The following GMDS variants were observed in gnomAD, a reference collection of about 807,000 sequenced individuals.
GMDS encodes GDP-mannose 4,6 dehydratase.
In GMDS, 20 loss-of-function variants were observed where a neutral mutation model predicts 49.9. The ratio of observed to expected loss-of-function variants is 0.40; its 90% confidence interval spans 0.28 to 0.58. GMDS has a LOEUF of 0.58. GMDS is among the 20% of genes least tolerant of loss of function. GMDS has a pLI of 0.42. For synonymous variants in GMDS, 177 were observed against 178.6 expected (o/e 0.99, Z 0.07); for missense variants, 362 against 481.4 (o/e 0.75, Z 2.32).
At chr6:1,673,159 C>T (rs1764481459) in intron 9 of GMDS, among the ~76,000 whole-genome samples, 2 of 152,168 alleles carry the variant, frequency 1.3e-5, no homozygotes, top group South Asian at 4.1e-4. Flanking sequence ...CCAATGCCAG[C>T]TCTGTTTTCT....
intron 9 of GMDS, among the ~76,000 whole-genome samples, chr6:1,650,198 C>T (rs1763609164): frequency 2.0e-5 from 3 of 152,046 alleles, no homozygotes; most frequent in South Asian, 4.2e-4. Flanking sequence ...CTGCATTTAT[C>T]GTACCAAGAG....
intron 1 of GMDS, among the ~76,000 whole-genome samples, chr6:2,240,797 A>G (rs1049563921): frequency 7.2e-5 from 11 of 152,176 alleles, no homozygotes; most frequent in Admixed American, 3.9e-4. Context: ...TAGACTATCA[A>G]TGTCATAAGG....
chr6:1,833,752 T>A lies in GMDS; in HGVS notation c.772-91166A>T, dbSNP rs919890640. Among the ~76,000 whole-genome samples the A allele has an allele frequency of 2.6e-5, 4 of 152,188 alleles. No homozygotes were observed. The highest frequency in any genetic ancestry group is 9.7e-5 in the African/African-American group (4 of 41,444). ...CATGGAAGGGCAGTGGGTTGAAAGA[T>A]CCTCATTATTCAAGAGAAGGGAAAT... On this transcript the variant is annotated intron_variant, in intron 7 of 10. Transcript: ENST00000380815. This position sits in a 1 kb window ranked among gnomAD's most constrained non-coding sequence, Gnocchi z 4.4.
intron 9 of GMDS, among the ~76,000 whole-genome samples, chr6:1,637,403 G>T (rs1581395581): frequency 6.6e-6 from 1 of 152,210 alleles, no homozygotes; most frequent in Non-Finnish European, 1.5e-5. Context: ...GCTGAACAAG[G>T]CCCCGAGGAA....
intron 4 of GMDS, among the ~76,000 whole-genome samples, chr6:1,965,194 T>G (rs1764197545): frequency 6.6e-6 from 1 of 152,150 alleles, no homozygotes; most frequent in Non-Finnish European, 1.5e-5. Context: ...TACCCAGTAA[T>G]GGGATGGCTG....
chr6:1,774,713 C>T (rs970024126), intron 7 of GMDS, among the ~76,000 whole-genome samples: 3 of 135,910 alleles, frequency 2.2e-5, no homozygotes, highest in South Asian at 2.7e-4. Context: ...GGGGTGGAAA[C>T]GACTTCACCT....
chr6:1,663,002 T>C (rs946585059), intron 9 of GMDS, among the ~76,000 whole-genome samples: 2 of 152,234 alleles, frequency 1.3e-5, no homozygotes, highest in African/African-American at 4.8e-5. Flanking sequence ...CCTACTTCCC[T>C]CCTTTCTGGA....
chr6:2,237,769 AC>A (rs1781431988), intron 1 of GMDS, among the ~76,000 whole-genome samples: 1 of 151,956 alleles, frequency 6.6e-6, no homozygotes, highest in African/African-American at 2.4e-5. Context: ...TGATCTACCC[AC>A]CTTGGCCTCC....
At chr6:1,769,695 GTTTTTTA>G (rs1239109401) in intron 7 of GMDS, among the ~76,000 whole-genome samples, 5 of 146,618 alleles carry the variant, frequency 3.4e-5, no homozygotes, top group Non-Finnish European at 6.0e-5. Context: ...GAGTTTAAAT[GTTTTTTA>G]TTTTTTATTT....
chr6:2,028,081 A>T (rs1768714097), intron 4 of GMDS, among the ~76,000 whole-genome samples: 1 of 152,224 alleles, frequency 6.6e-6, no homozygotes. Context: ...CTTGTAAAAC[A>T]ATATCTTACA....
At chr6:2,144,235 T>C (rs1776443119) in intron 1 of GMDS, among the ~76,000 whole-genome samples, 2 of 152,276 alleles carry the variant, frequency 1.3e-5, no homozygotes, top group Admixed American at 6.5e-5. Context: ...ATACGTTCTA[T>C]GCTATTTTAG....
chr6:1,649,199 T>G (rs1763578016), intron 9 of GMDS, among the ~76,000 whole-genome samples: 1 of 152,176 alleles, frequency 6.6e-6, no homozygotes. Context: ...AATACTGTGA[T>G]GTACTGTCAG....
chr6:1,872,698 G>C (rs1182682379), intron 7 of GMDS, among the ~76,000 whole-genome samples: 1 of 152,266 alleles, frequency 6.6e-6, no homozygotes, highest in Non-Finnish European at 1.5e-5. Flanking sequence ...AACTCGGTCA[G>C]AGGGCTGTTT....
intron 1 of GMDS, among the ~76,000 whole-genome samples, chr6:2,190,499 G>C (rs1206788092): frequency 1.3e-5 from 2 of 152,170 alleles, no homozygotes; most frequent in African/African-American, 4.8e-5. Flanking sequence ...ACTTCTCATG[G>C]GGGAAGAACT....
intron 1 of GMDS, among the ~76,000 whole-genome samples, chr6:2,143,125 T>C (rs1776387102): frequency 6.6e-6 from 1 of 152,216 alleles, no homozygotes; most frequent in Non-Finnish European, 1.5e-5. Context: ...CTGGAATACA[T>C]ATTTGCTCCA....
In GMDS at chr6:1,742,247, A is replaced by C. The variant is rs116726498; in HGVS notation, c.890+221T>G. 1.5e-3 allele frequency among the ~76,000 whole-genome samples: 222 copies of C among 152,242 alleles called. 1 individual carries two copies. Among genetic ancestry groups the C allele is most frequent in the African/African-American group, 4.8e-3 (201 of 41,542 alleles). ...AAACATCTTAAAAGAAAGATGAAAG[A>C]AATGTGGAAAAACTTGGTTTAGATG... On this transcript the variant is annotated intron_variant, in intron 8 of 10. Coordinates refer to ENST00000380815, the MANE Select transcript of GMDS (RefSeq NM_001500.4).
chr6:1,992,009 C>T (rs1039749823), intron 4 of GMDS, among the ~76,000 whole-genome samples: 5 of 152,200 alleles, frequency 3.3e-5, no homozygotes, highest in Admixed American at 6.5e-5. Flanking sequence ...TGGAAGGAGT[C>T]CCCCACCTGC....
chr6:2,080,444 C>T (rs548990571), intron 4 of GMDS, among the ~76,000 whole-genome samples: 4 of 152,248 alleles, frequency 2.6e-5, no homozygotes, highest in African/African-American at 9.6e-5. Context: ...TCACTGCCTT[C>T]AATTTTTTGA....
At chr6:1,982,493 C>T (rs559789403) in intron 4 of GMDS, among the ~76,000 whole-genome samples, 1 of 152,268 alleles carries the variant, frequency 6.6e-6, no homozygotes, top group East Asian at 1.9e-4. Flanking sequence ...CCCATTGTCT[C>T]AGCCCAAAAA....
Sources: allele counts gnomAD v4.1 joint callset (sites outside exome capture counted in the v4.1 genomes callset), GRCh38; gene constraint gnomAD v4.1.1; non-coding constraint Gnocchi (gnomAD v3.1); transcripts MANE v1.5; gene names NCBI Gene and HGNC (gene_info 2026-07-23, HGNC 2026-07-21).